LRP11: variants seen among roughly 807,000 people sequenced by gnomAD.
The protein encoded by LRP11 is LDL receptor related protein 11.
Under a neutral mutation model 43.1 loss-of-function variants are expected in LRP11, and 25 were observed. The ratio of observed to expected loss-of-function variants is 0.58; its 90% confidence interval spans 0.42 to 0.81. The LOEUF (loss-of-function observed/expected upper bound fraction) is 0.81, where lower values mean the gene tolerates loss of function less well. Among genes scored for constraint, LRP11 ranks in the 30% least tolerant of loss-of-function variants. The pLI is 0.00. For missense variants in LRP11, 623 were observed against 665.1 expected, an observed-to-expected ratio of 0.94 and a Z score of 0.70; for synonymous variants, 316 against 299.4, an observed-to-expected ratio of 1.06 and a Z score of -0.57.
chr6:149,841,267 C>T (rs747019008), intron 3 of LRP11, among the ~76,000 whole-genome samples: 1 of 152,170 alleles, frequency 6.6e-6, no homozygotes, highest in Non-Finnish European at 1.5e-5. Context: ...TGTTCCAACT[C>T]TTTTATCCTC....
intron 5 of LRP11, 26 bp from the exon 6 acceptor site, chr6:149,826,385 TTGAAGG>T: frequency 6.5e-7 from 1 of 1,545,900 alleles, no homozygotes; most frequent in Admixed American, 1.7e-5. Context: ...AGAACATATA[TTGAAGG>T]TGTATGCATC....
intron 3 of LRP11, among the ~76,000 whole-genome samples, chr6:149,840,140 C>T (rs1037329913): frequency 3.3e-5 from 5 of 152,184 alleles, no homozygotes; most frequent in Non-Finnish European, 7.3e-5. Flanking sequence ...CATCTGTCTA[C>T]CTCAGCTAGT....
At chr6:149,833,603 A>G (rs897607984) in intron 5 of LRP11, among the ~76,000 whole-genome samples, 1 of 152,206 alleles carries the variant, frequency 6.6e-6, no homozygotes, top group Non-Finnish European at 1.5e-5. Context: ...TTTAATGGTG[A>G]GTTTTGCTAG....
intron 1 of LRP11, among the ~76,000 whole-genome samples, chr6:149,856,732 A>G (rs1010277171): frequency 2.0e-5 from 3 of 152,204 alleles, no homozygotes; most frequent in Non-Finnish European, 2.9e-5. Context: ...CATTTTATTC[A>G]GAGAAGTGTA....
At chr6:149,863,281 C>T in intron 1 of LRP11, 127 bp downstream of exon 1, 1 of 1,249,586 alleles carries the variant, frequency 8.0e-7, no homozygotes, top group Non-Finnish European at 1.0e-6. Context: ...GAAACCCATG[C>T]CAGAAACTCT....
At position 149,836,262 on chromosome 6, in the gene LRP11, C is replaced by T; in HGVS notation, c.1075G>A (p.Ala359Thr). Reference protein sequence around the residue: ...LDRKMVTHTAASPALPRTTGP... With the variant: ...LDRKMVTHTATSPALPRTTGP... ...GTGGTTCTTGGCAGGGCAGGACTAG[C>T]TGCCGTGTGGGTTACCATCTTGCGG... Residue 359 changes from alanine to threonine, a missense_variant, in exon 5 of 7, where the codon GCT becomes ACT. Coordinates refer to ENST00000239367, the MANE Select transcript of LRP11 (RefSeq NM_032832.6). 1 of 1,614,202 alleles carries T rather than the reference C, an allele frequency of 6.2e-7. No individual in the cohort carries two copies. Among genetic ancestry groups the T allele is most frequent in the Non-Finnish European group, 8.5e-7 (1 of 1,180,038 alleles).
Position 149,837,464 on chromosome 6 carries a change from C to G in LRP11, c.914-1G>C. 1 of 1,613,410 alleles carries G rather than the reference C, an allele frequency of 6.2e-7. No individual in the cohort carries two copies. ...TAGCGTGAGCAAGTGTGCAAACATC[C>G]TATTTGTAAACAAATCTCAAGTCAC... On this transcript the variant is annotated splice_acceptor_variant, in intron 3 of 6. Coordinates refer to ENST00000239367, the MANE Select transcript of LRP11 (RefSeq NM_032832.6). LOFTEE classifies it high-confidence loss of function.
intron 6 of LRP11, among the ~76,000 whole-genome samples, chr6:149,822,038 G>A (rs1247657442): frequency 6.6e-6 from 1 of 152,124 alleles, no homozygotes; most frequent in African/African-American, 2.4e-5. Context: ...TACAAATGAG[G>A]GAGCTAAGGC....
chr6:149,845,427 C>A (rs1776617432), intron 2 of LRP11, among the ~76,000 whole-genome samples: 1 of 152,186 alleles, frequency 6.6e-6, no homozygotes, highest in South Asian at 2.1e-4. Flanking sequence ...CACCACTTTC[C>A]CTGCAAAAGC....
At chr6:149,857,927 C>T (rs1433379130) in intron 1 of LRP11, among the ~76,000 whole-genome samples, 1 of 152,176 alleles carries the variant, frequency 6.6e-6, no homozygotes, top group East Asian at 1.9e-4. Context: ...AAGAACTTAA[C>T]TTTCACAACG....
At chr6:149,859,922 A>T (rs117430285) in intron 1 of LRP11, among the ~76,000 whole-genome samples, 1,852 of 152,230 alleles carry the variant, frequency 0.012, 23 homozygotes, top group Non-Finnish European at 0.018. Flanking sequence ...AAAAAATTTA[A>T]TTCTTTAATC....
In LRP11 at chr6:149,826,270, C is replaced by T. The variant is rs867292352; in HGVS notation, c.1342G>A (p.Glu448Lys). Reference sequence around the variant, plus strand: ...TTCCAAGGTGGACATTTACCTGTTTCTGGGGCTGGGTGTTCCCCTCCTCCT... The same window carrying T: ...TTCCAAGGTGGACATTTACCTGTTTTTGGGGCTGGGTGTTCCCCTCCTCCT... ...DGGGGEHPAP[E>K]TGAVLPLALG... Residue 448 changes from glutamate to lysine, a missense_variant, in exon 6 of 7, where the codon GAA becomes AAA. Transcript: ENST00000239367. 2 of 1,612,664 alleles carry T rather than the reference C, an allele frequency of 1.2e-6. No homozygotes were observed. The highest frequency in any genetic ancestry group is 1.3e-5 in the African/African-American group (1 of 75,028).
chr6:149,855,806 TAA>T (rs763459523), intron 1 of LRP11, among the ~76,000 whole-genome samples: 17 of 152,084 alleles, frequency 1.1e-4, no homozygotes, highest in Middle Eastern at 3.2e-3. Flanking sequence ...TCCAGTCACT[TAA>T]GAGTGAGGAC....
At chr6:149,833,098 G>A (rs778946506) in intron 5 of LRP11, among the ~76,000 whole-genome samples, 1 of 151,964 alleles carries the variant, frequency 6.6e-6, no homozygotes, top group Non-Finnish European at 1.5e-5. Flanking sequence ...GTAAGCCACC[G>A]TTCCTGGCCT....
intron 5 of LRP11, among the ~76,000 whole-genome samples, chr6:149,829,693 T>TA (rs1488862808): frequency 1.3e-5 from 2 of 151,902 alleles, no homozygotes; most frequent in African/African-American, 4.8e-5. Context: ...TTTCACCCAA[T>TA]AAAAAAAATA....
At chr6:149,861,800 T>A (rs1262194276) in intron 1 of LRP11, among the ~76,000 whole-genome samples, 2 of 152,220 alleles carry the variant, frequency 1.3e-5, no homozygotes, top group Non-Finnish European at 2.9e-5. Flanking sequence ...GGGTTAGTTA[T>A]GAGCCACCGT....
chr6:149,823,148 C>G (rs1330950463), intron 6 of LRP11, among the ~76,000 whole-genome samples: 2 of 152,032 alleles, frequency 1.3e-5, no homozygotes, highest in Non-Finnish European at 2.9e-5. Flanking sequence ...CTTTTGGAAG[C>G]TGAGGAAAGA....
At chr6:149,859,398 T>TATATA (rs1562448086) in intron 1 of LRP11, among the ~76,000 whole-genome samples, 3 of 42,534 alleles carry the variant, frequency 7.1e-5, no homozygotes, top group South Asian at 2.0e-3. Context: ...ATATATATAT[T>TATATA]TTTTTTTTTT....
At chr6:149,860,195 G>A (rs1177527165) in intron 1 of LRP11, among the ~76,000 whole-genome samples, 5 of 152,134 alleles carry the variant, frequency 3.3e-5, no homozygotes, top group Non-Finnish European at 7.3e-5. Context: ...AGGTGGGTCT[G>A]CAGAGAGGAG....
Sources: allele counts gnomAD v4.1 joint callset (sites outside exome capture counted in the v4.1 genomes callset), GRCh38; gene constraint gnomAD v4.1.1; transcripts MANE v1.5; gene names NCBI Gene and HGNC (gene_info 2026-07-23, HGNC 2026-07-21).